CNTRL: variants seen among roughly 807,000 people sequenced by gnomAD.
CNTRL encodes the protein 110 kDa centrosomal protein.
Under a neutral mutation model 303.7 loss-of-function variants are expected in CNTRL, and 233 were observed. The ratio of observed to expected loss-of-function variants is 0.77; its 90% CI spans 0.69 to 0.86. The LOEUF is 0.86. CNTRL is among the 40% of genes least tolerant of loss of function. The probability of loss-of-function intolerance (pLI) is 0.00; values close to 1 mark genes in which losing one functional copy is unlikely to be tolerated. For missense variants in CNTRL, 2,524 were observed against 2,650.6 expected (o/e 0.95, Z 1.05); for synonymous variants, 900 against 922.2 (o/e 0.98, Z 0.44).
chr9:121,117,820 A>C (rs532041913), intron 11 of CNTRL, among the ~76,000 whole-genome samples: 95 of 152,206 alleles, frequency 6.2e-4, no homozygotes, highest in Non-Finnish European at 1.2e-3. Context: ...TCTACTAAAA[A>C]TACAAAAAAT....
chr9:121,164,713 T>TA (rs527621390), intron 34 of CNTRL, among the ~76,000 whole-genome samples: 152 of 151,332 alleles, frequency 1.0e-3, no homozygotes, highest in African/African-American at 3.6e-3. Flanking sequence ...TCCATGTTTT[T>TA]AATCCATGAT....
chr9:121,113,938 T>C (rs2049866355), intron 10 of CNTRL, among the ~76,000 whole-genome samples: 1 of 152,158 alleles, frequency 6.6e-6, no homozygotes, highest in Non-Finnish European at 1.5e-5. Context: ...TTGGCAGTAA[T>C]TTGATGGCAG....
At chr9:121,123,418 T>TA (rs927482612) in intron 12 of CNTRL, among the ~76,000 whole-genome samples, 8 of 151,800 alleles carry the variant, frequency 5.3e-5, no homozygotes, top group East Asian at 3.9e-4. Flanking sequence ...CCGTCTGTAC[T>TA]AAAAAAAACA....
chr9:121,152,565 C>G lies in CNTRL; in HGVS notation c.4044C>G (p.Ser1348=). 6.2e-7 allele frequency: 1 copy of G among 1,613,984 alleles called. No individual in the cohort carries two copies. Among genetic ancestry groups the G allele is most frequent in the Non-Finnish European group, 8.5e-7 (1 of 1,179,958 alleles). The change falls in exon 26 of 44, where the codon TCC becomes TCG. Residue 1348 remains serine (S), a synonymous_variant. Transcript: ENST00000373855. Reference sequence around the variant, plus strand: ...GGGAAGAAAGGTGGATGAGAGCATCCAAGCGGCAGTCGGAGAAAGAAATGG... The same window carrying G: ...GGGAAGAAAGGTGGATGAGAGCATCGAAGCGGCAGTCGGAGAAAGAAATGG... ...KKREERWMRA[S]KRQSEKEMEE...
In CNTRL at chr9:121,123,958, A is replaced by G. The variant is rs1319628282; in HGVS notation, c.1678A>G (p.Lys560Glu). The change falls in exon 13 of 44, where the codon AAA becomes GAA. Residue 560 changes from lysine to glutamate, a missense_variant. Physicochemically the swap from Lys to Glu is moderately conservative, Grantham distance 56. Transcript: ENST00000373855. ...CCATATGAAGGCTCAAAAGAGCGGTAAAGAACAACAGCTTGACATTATGAA... is the reference window on the plus strand; with the variant it reads ...CCATATGAAGGCTCAAAAGAGCGGTGAAGAACAACAGCTTGACATTATGAA... ...HSHMKAQKSG[K>E]EQQLDIMNKQ... 1.2e-6 allele frequency: 2 copies of G among 1,605,980 alleles called. No homozygotes were observed. The highest frequency in any genetic ancestry group is 2.2e-5 in the East Asian group (1 of 44,610).
rs1435294901 is a variant in CNTRL, at chr9:121,121,970, C to T, written c.1651-1961C>T. 8.2e-6 allele frequency: 8 copies of T among 976,596 alleles called. No individual in the cohort carries two copies. The South Asian group carries it at 2.8e-4, about 35-fold the overall frequency. 60.5% of individuals were successfully genotyped at this position (976,596 alleles called of 1,614,324 possible). On this transcript the variant is annotated intron_variant, in intron 12 of 43. Transcript: ENST00000373855. ...AGTTAAGGTATGATATTTTTTCTCT[C>T]TCTGTACAAAGGACTTAAAAGGAGG...
At chr9:121,104,883 T>G (rs1223812431) in intron 7 of CNTRL, among the ~76,000 whole-genome samples, 2 of 152,030 alleles carry the variant, frequency 1.3e-5, no homozygotes, top group African/African-American at 4.8e-5. Context: ...GTATTTTTAG[T>G]AGAGACGGGG....
At chr9:121,128,481 T>A (rs1382494803) in intron 14 of CNTRL, among the ~76,000 whole-genome samples, 1 of 152,226 alleles carries the variant, frequency 6.6e-6, no homozygotes, top group Admixed American at 6.5e-5. Flanking sequence ...TGCCCCCTTT[T>A]TGATGGGGTT....
chr9:121,144,845 G>T lies in CNTRL; in HGVS notation c.3054G>T (p.Glu1018Asp). Residue 1018 changes from glutamate to aspartate, a missense_variant and splice_region_variant, in exon 21 of 44, where the codon GAG (glutamate) becomes GAT (aspartate). Glu to Asp is a conservative substitution (Grantham distance 45, BLOSUM62 2). Coordinates refer to ENST00000373855, the MANE Select transcript of CNTRL (RefSeq NM_007018.6). ...TTCTCATACTTCTGTCCCAGTAGGA[G>T]TTGCAGGAAGCAGAGAGGTTCAGCA... Reference protein sequence around the residue: ...VMKINQERAEELQEAERFSRK... With the variant: ...VMKINQERAEDLQEAERFSRK... 6.2e-7 allele frequency: 1 copy of T among 1,612,340 alleles called. No homozygotes were observed. Among genetic ancestry groups the T allele is most frequent in the Non-Finnish European group, 8.5e-7 (1 of 1,179,192 alleles).
intron 4 of CNTRL, among the ~76,000 whole-genome samples, chr9:121,091,609 G>A (rs1375430828): frequency 3.3e-5 from 5 of 152,230 alleles, no homozygotes; most frequent in East Asian, 3.9e-4. Flanking sequence ...TTGGGAGGCC[G>A]AGGTGGGCAG....
chr9:121,166,882 G>A (rs140796245), intron 36 of CNTRL, among the ~76,000 whole-genome samples: 3,835 of 152,148 alleles, frequency 0.025, 75 homozygotes, highest in Middle Eastern at 0.044. Flanking sequence ...TTAGCCAGGC[G>A]TGGTGGCACA....
At chr9:121,145,045 G>T in intron 21 of CNTRL, 86 bp downstream of exon 21, 7 of 1,256,184 alleles carry the variant, frequency 5.6e-6, no homozygotes, top group Non-Finnish European at 8.1e-6. Flanking sequence ...ATGTCTCAAA[G>T]AATTCTGAAG....
intron 27 of CNTRL, 27 bp downstream of exon 27, chr9:121,154,940 G>T (rs781129319): frequency 6.3e-7 from 1 of 1,599,336 alleles, no homozygotes; most frequent in South Asian, 1.1e-5. Flanking sequence ...TTTGGGGTGT[G>T]AGCTCAGTGT....
chr9:121,152,962 T>C (rs1477248756), intron 26 of CNTRL, among the ~76,000 whole-genome samples: 1 of 152,134 alleles, frequency 6.6e-6, no homozygotes, highest in Non-Finnish European at 1.5e-5. Context: ...TCAGCTCTTA[T>C]TGTAGTCCCT....
At chr9:121,100,854 AG>A (rs1431543424) in intron 7 of CNTRL, among the ~76,000 whole-genome samples, 14 of 152,372 alleles carry the variant, frequency 9.2e-5, no homozygotes, top group African/African-American at 3.4e-4. Flanking sequence ...CAACAGGAAG[AG>A]CTAACTATCC....
In CNTRL at chr9:121,135,797, T is replaced by C; in HGVS notation, c.2026-9T>C. On this transcript the variant is annotated splice_polypyrimidine_tract_variant and intron_variant, in intron 14 of 43. Coordinates refer to ENST00000373855, the MANE Select transcript of CNTRL (RefSeq NM_007018.6). Reference sequence around the variant, plus strand: ...GGGTTCCATAGTTAAACCCACTGAATCTTTCTAGGAGCTTGCAGAGCTAGA... The same window carrying C: ...GGGTTCCATAGTTAAACCCACTGAACCTTTCTAGGAGCTTGCAGAGCTAGA... 2.5e-6 allele frequency: 4 copies of C among 1,599,200 alleles called. No individual in the cohort carries two copies. Among genetic ancestry groups the C allele is most frequent in the Non-Finnish European group, 3.4e-6 (4 of 1,172,734 alleles).
In CNTRL at chr9:121,087,053, T is replaced by C. The variant is rs138917267; in HGVS notation, c.-31-1243T>C. ...TGTAGACAGATCAGTTAGAAGCTGT[T>C]ATAGTAGTTTGATGAGGGCTTGGAT... On this transcript the variant is annotated intron_variant, in intron 2 of 43. Coordinates refer to ENST00000373855, the MANE Select transcript of CNTRL (RefSeq NM_007018.6). Among the ~76,000 whole-genome samples, 4 of 152,288 alleles carry C rather than the reference T, an allele frequency of 2.6e-5. No homozygotes were observed. In the East Asian group the frequency reaches 7.7e-4, roughly 29 times the overall value.
intron 42 of CNTRL, among the ~76,000 whole-genome samples, chr9:121,174,238 T>G (rs1280743544): frequency 1.3e-5 from 2 of 151,984 alleles, no homozygotes; most frequent in Non-Finnish European, 2.9e-5. Flanking sequence ...ACCTAAAGAT[T>G]TGAGAGTTAA....
intron 31 of CNTRL, 103 bp from the exon 32 acceptor site, chr9:121,160,040 A>G: frequency 1.1e-6 from 1 of 893,606 alleles, no homozygotes; most frequent in Non-Finnish European, 1.6e-6. Context: ...TTGTTTCCAA[A>G]TTAGAATTTC....
Sources: gnomAD v4.1 joint callset for allele counts (sites outside exome capture counted in the v4.1 genomes callset) on GRCh38, gnomAD v4.1.1 for gene constraint, MANE v1.5 for transcripts, NCBI Gene and HGNC (gene_info 2026-07-23, HGNC 2026-07-21) for gene names.